Variants in UNC13C observed in about 807,000 individuals in gnomAD.
UNC13C encodes the protein unc-13 homolog C, also known as protein unc-13 homolog C.
Under a neutral mutation model 245.4 loss-of-function variants are expected in UNC13C, and 174 were observed. The ratio of observed to expected loss-of-function variants is 0.71; its 90% CI spans 0.63 to 0.80. The LOEUF (loss-of-function observed/expected upper bound fraction) is 0.80, where lower values mean the gene tolerates loss of function less well. UNC13C is among the 30% of genes least tolerant of loss of function. The pLI is 0.00. For missense variants in UNC13C, 2,829 were observed against 2,602.9 expected, an observed-to-expected ratio of 1.09 and a Z score of -1.89; for synonymous variants, 992 against 895.1, an observed-to-expected ratio of 1.11 and a Z score of -1.93.
intron 4 of UNC13C, among the ~76,000 whole-genome samples, chr15:54,197,896 A>G (rs1162176724): frequency 6.6e-6 from 1 of 152,080 alleles, no homozygotes; most frequent in Non-Finnish European, 1.5e-5. Context: ...TTTTTGCATT[A>G]TCAACAAGGA....
At chr15:54,451,609 G>C (rs555376693) in intron 19 of UNC13C, among the ~76,000 whole-genome samples, 64 of 151,830 alleles carry the variant, frequency 4.2e-4, no homozygotes, top group Admixed American at 1.0e-3. Context: ...GGATATTTTG[G>C]TTATTTTATA....
chr15:54,274,336 C>T (rs987110002), intron 10 of UNC13C, among the ~76,000 whole-genome samples: 1 of 152,060 alleles, frequency 6.6e-6, no homozygotes, highest in Non-Finnish European at 1.5e-5. Context: ...AAAACAAAAC[C>T]CAAATCATTG....
intron 29 of UNC13C, among the ~76,000 whole-genome samples, chr15:54,563,787 A>G (rs1897391759): frequency 6.6e-6 from 1 of 151,940 alleles, no homozygotes; most frequent in Non-Finnish European, 1.5e-5. Context: ...CCTCACATTT[A>G]TATCCTTCAA....
At chr15:54,342,246 A>G (rs2141011124) in intron 17 of UNC13C, among the ~76,000 whole-genome samples, 1 of 152,308 alleles carries the variant, frequency 6.6e-6, no homozygotes. Context: ...TATGGATTTC[A>G]TAGATTATTT....
At chr15:54,633,422 T>C (rs924297988), downstream of UNC13C, 1 of 152,154 alleles carries the variant, frequency 6.6e-6, no homozygotes, top group Admixed American at 6.6e-5. Flanking sequence ...TCCAATTGTT[T>C]ATTTCCTGTA....
chr15:53,962,776 A>G, the UNC13C span, among the ~76,000 whole-genome samples: 3 of 152,216 alleles, frequency 2.0e-5, no homozygotes, highest in African/African-American at 7.2e-5. Context: ...TTCTTCAGAC[A>G]TAAATAGAAT....
intron 10 of UNC13C, among the ~76,000 whole-genome samples, chr15:54,274,648 A>G (rs2036779764): frequency 6.6e-6 from 1 of 151,166 alleles, no homozygotes; most frequent in African/African-American, 2.4e-5. Flanking sequence ...TGTTATGGTT[A>G]AAAAGCTAAT....
intron 2 of UNC13C, among the ~76,000 whole-genome samples, chr15:54,080,718 G>A (rs927186378): frequency 2.0e-5 from 3 of 151,720 alleles, no homozygotes; most frequent in Non-Finnish European, 4.4e-5. Flanking sequence ...CTTTTTCTTG[G>A]TTAATCTAGA....
chr15:54,108,250 G>T (rs960528367), intron 2 of UNC13C, among the ~76,000 whole-genome samples: 4 of 152,048 alleles, frequency 2.6e-5, no homozygotes, highest in Admixed American at 2.0e-4. Flanking sequence ...GCAGTGGCGC[G>T]ATCTTGGCTC....
chr15:54,542,729 C>T (rs538943795), intron 26 of UNC13C, among the ~76,000 whole-genome samples: 3 of 152,180 alleles, frequency 2.0e-5, no homozygotes, highest in Admixed American at 6.6e-5. Flanking sequence ...CTTCTTGTTG[C>T]ATTGATCCCT....
intron 18 of UNC13C, among the ~76,000 whole-genome samples, chr15:54,403,075 G>A (rs1469411028): frequency 6.6e-6 from 1 of 152,162 alleles, no homozygotes; most frequent in Non-Finnish European, 1.5e-5. Flanking sequence ...ATATGAACAT[G>A]AGGACTTGCT....
At chr15:54,251,857 C>T (rs2036160767) in intron 8 of UNC13C, among the ~76,000 whole-genome samples, 1 of 152,140 alleles carries the variant, frequency 6.6e-6, no homozygotes, top group South Asian at 2.1e-4. Flanking sequence ...CGATCACATA[C>T]ATTCTTAAGT....
At chr15:53,854,122 G>GTTTTTTTTTTTTTTTTTT in the UNC13C span, among the ~76,000 whole-genome samples, 1 of 133,578 alleles carries the variant, frequency 7.5e-6, no homozygotes, top group Non-Finnish European at 1.6e-5. Flanking sequence ...GTTTTTATAG[G>GTTTTTTTTTTTTTTTTTT]TTTTTTTTTT....
intron 1 of UNC13C, among the ~76,000 whole-genome samples, chr15:54,004,646 T>C (rs1318517632): frequency 1.3e-5 from 2 of 152,224 alleles, no homozygotes; most frequent in Admixed American, 6.5e-5. Context: ...AAGGGCTTCC[T>C]TTTCTCAACA....
intron 1 of UNC13C, among the ~76,000 whole-genome samples, chr15:53,993,432 A>C (rs912509626): frequency 4.6e-5 from 7 of 152,124 alleles, no homozygotes; most frequent in Non-Finnish European, 8.8e-5. Flanking sequence ...GGCAGCCAAC[A>C]TAACATTTTT....
chr15:54,471,700 A>G (rs1892470114), intron 19 of UNC13C, among the ~76,000 whole-genome samples: 1 of 151,420 alleles, frequency 6.6e-6, no homozygotes, highest in South Asian at 2.1e-4. Context: ...TTGTTGGTAT[A>G]CACTTGAAAA....
chr15:54,366,211 C>T (rs2039361721), intron 17 of UNC13C, among the ~76,000 whole-genome samples: 1 of 152,134 alleles, frequency 6.6e-6, no homozygotes, highest in Non-Finnish European at 1.5e-5. Flanking sequence ...GCAGACATTT[C>T]ATCTACATAT....
intron 19 of UNC13C, among the ~76,000 whole-genome samples, chr15:54,423,627 A>G (rs1461216222): frequency 6.6e-6 from 1 of 151,932 alleles, no homozygotes; most frequent in Non-Finnish European, 1.5e-5. Context: ...TGAAAATAAA[A>G]ATCTATAGAA....
chr15:54,102,651 C>T (rs934190), intron 2 of UNC13C, among the ~76,000 whole-genome samples: 147,954 of 152,348 alleles, frequency 0.97, 72,015 homozygotes, highest in Middle Eastern at 1. Flanking sequence ...CAATGTGGAG[C>T]ACTTTTAAAA....
Sources: allele counts gnomAD v4.1 joint callset (sites outside exome capture counted in the v4.1 genomes callset), GRCh38; gene constraint gnomAD v4.1.1; transcripts MANE v1.5; gene names NCBI Gene and HGNC (gene_info 2026-07-23, HGNC 2026-07-21).